KIF22: variants seen among roughly 807,000 people sequenced by gnomAD.
KIF22 encodes the protein kinesin family member 22, also known as kinesin-like protein KIF22.
KIF22 carries 62 observed loss-of-function variants against 73.0 expected under a neutral mutation model. That is an observed-to-expected ratio of 0.85 (90% confidence interval 0.69 to 1.05). The LOEUF is 1.05. Ranked by LOEUF, KIF22 falls within the 50% of genes least tolerant of loss-of-function variation. The pLI, the probability that KIF22 is intolerant of heterozygous loss-of-function variation, is 0.00. For missense variants in KIF22, 854 were observed against 870.1 expected (o/e 0.98, Z 0.23); for synonymous variants, 411 against 340.1 (o/e 1.21, Z -2.29).
intron 11 of KIF22, chr16:29,804,277 C>A: frequency 3.2e-6 from 2 of 615,672 alleles, no homozygotes; most frequent in East Asian, 2.7e-5. Flanking sequence ...ATGTACCTCG[C>A]AGAGCGGATG....
intron 13 of KIF22, 28 bp from the exon 14 acceptor site, chr16:29,805,235 C>T (rs368741129): frequency 1.4e-4 from 233 of 1,613,860 alleles, no homozygotes; most frequent in Non-Finnish European, 4.0e-5. Context: ...TCTCTAACGT[C>T]GCTGTCTCCC....
chr16:29,790,808 G>A lies in KIF22; in HGVS notation c.49G>A (p.Ala17Thr), dbSNP rs1176687209. The change falls in exon 1 of 14, where the codon GCT (alanine) becomes ACT (threonine). Residue 17 changes from alanine to threonine, a missense_variant. Ala to Thr is a moderately conservative substitution (Grantham distance 58). Coordinates refer to ENST00000160827, the MANE Select transcript of KIF22 (RefSeq NM_007317.3). Reference sequence around the variant, plus strand: ...GCAGAGGCGACGCGAGATGGCGGCAGCTTCAGCGGCGGCGATCTCAGGTAC... The same window carrying A: ...GCAGAGGCGACGCGAGATGGCGGCAACTTCAGCGGCGGCGATCTCAGGTAC... ...TQQRRREMAA[A>T]SAAAISGAGR... is the part of the protein sequence containing the mutation. 7 of 1,604,072 alleles carry A rather than the reference G, an allele frequency of 4.4e-6. No individual in the cohort carries two copies. The South Asian group carries it at 7.8e-5, about 18-fold the overall frequency.
At chr16:29,796,458 C>T (rs1898953217) in intron 1 of KIF22, among the ~76,000 whole-genome samples, 1 of 151,504 alleles carries the variant, frequency 6.6e-6, no homozygotes, top group African/African-American at 2.4e-5. Flanking sequence ...CCTATAATTC[C>T]AGCACTTTGG....
chr16:29,802,744 G>A (rs1899184105), intron 8 of KIF22, 25 bp from the exon 9 acceptor site: 1 of 1,531,668 alleles, frequency 6.5e-7, no homozygotes, highest in African/African-American at 1.4e-5. Context: ...GAGGTAGGTG[G>A]GGAGCAACTT....
intron 11 of KIF22, 52 bp from the exon 12 acceptor site, chr16:29,804,762 G>A (rs1360750366): frequency 4.8e-6 from 7 of 1,446,666 alleles, no homozygotes; most frequent in Non-Finnish European, 6.6e-6. Context: ...TGGCAGAGGA[G>A]CCCAAAGCAC....
At chr16:29,796,284 A>AAAC (rs1410758267) in intron 1 of KIF22, among the ~76,000 whole-genome samples, 1,551 of 146,422 alleles carry the variant, frequency 0.011, 30 homozygotes, top group African/African-American at 0.031. Flanking sequence ...AAAAAAAAAA[A>AAAC]ACACACACAC....
At position 29,800,162 on chromosome 16, in the gene KIF22, A is replaced by G. The variant is rs974998968; in HGVS notation, c.1280+114A>G. On this transcript the variant is annotated intron_variant, in intron 8 of 13. Transcript: ENST00000160827. ...CTGTGATCTTGTTCCTCTCCCATTA[A>G]ATTCACCCTAGGCCGGATGCGGTGG... 1.0e-5 allele frequency: 13 copies of G among 1,285,062 alleles called. No homozygotes were observed. In the Admixed American group the frequency reaches 3.2e-4, roughly 32 times the overall value. 79.6% of individuals were successfully genotyped at this position (1,285,062 alleles called of 1,614,324 possible).
At chr16:29,799,595 TCTGA>T (rs1172704466) in intron 6 of KIF22, 29 bp from the exon 7 acceptor site, 1 of 1,613,476 alleles carries the variant, frequency 6.2e-7, no homozygotes, top group East Asian at 2.2e-5. Flanking sequence ...AGGCTGGGCT[TCTGA>T]CCCACCCACT....
chr16:29,794,569 G>A (rs1052623505), intron 1 of KIF22, among the ~76,000 whole-genome samples: 10 of 152,130 alleles, frequency 6.6e-5, no homozygotes, highest in Admixed American at 5.9e-4. Flanking sequence ...CACTTTATCT[G>A]GCACTTATTT....
intron 1 of KIF22, chr16:29,792,480 G>A: frequency 1.2e-6 from 1 of 829,240 alleles, no homozygotes; most frequent in Non-Finnish European, 1.5e-6. Context: ...TACTTCTTGA[G>A]GGCCTACTCT....
chr16:29,793,169 G>A (rs1425011198), intron 1 of KIF22, among the ~76,000 whole-genome samples: 1 of 152,082 alleles, frequency 6.6e-6, no homozygotes, highest in African/African-American at 2.4e-5. Context: ...AGGAGCCGTC[G>A]GCTGGGCTCA....
At position 29,798,916 on chromosome 16, in the gene KIF22, C is replaced by A. The variant is rs1899028069; in HGVS notation, c.550-59C>A. On this transcript the variant is annotated intron_variant, in intron 4 of 13. Transcript: ENST00000160827. This position sits in a 1 kb window ranked among gnomAD's most constrained non-coding sequence, Gnocchi z 4.1. ...AATAGAACAGAGAAAGGAAACTGAT[C>A]CCCAGGAAGAAACAGCCTCTCTATG... 6.4e-7 allele frequency: 1 copy of A among 1,570,360 alleles called. No homozygotes were observed. The highest frequency in any genetic ancestry group is 8.8e-7 in the Non-Finnish European group (1 of 1,141,156).
intron 11 of KIF22, chr16:29,804,496 C>A (rs1183465522): frequency 1.7e-5 from 11 of 651,338 alleles, no homozygotes; most frequent in South Asian, 3.0e-5. Flanking sequence ...ACAGCTTATT[C>A]TTTCCCTTTT....
chr16:29,798,299 C>A lies in KIF22; in HGVS notation c.267-75C>A. On this transcript the variant is annotated intron_variant, in intron 2 of 13. Coordinates refer to ENST00000160827, the MANE Select transcript of KIF22 (RefSeq NM_007317.3). The surrounding 1 kb of genome is among the most constrained non-coding windows in gnomAD (Gnocchi z 4.1). ...AGTAGAATCCCTTACCCACCCCCAC[C>A]CCACTCCACCCCTTACACACACACA... 7.2e-7 allele frequency: 1 copy of A among 1,391,264 alleles called. No homozygotes were observed. Among genetic ancestry groups the A allele is most frequent in the Non-Finnish European group, 9.5e-7 (1 of 1,048,816 alleles). The allele number at this position is 1,391,264 out of a possible 1,614,324, so 86.2% of individuals were successfully genotyped here.
intron 1 of KIF22, chr16:29,791,132 G>A: frequency 3.8e-6 from 5 of 1,332,496 alleles, no homozygotes; most frequent in Non-Finnish European, 4.8e-6. Flanking sequence ...TGAAACGGGG[G>A]TCATGGCCTC....
intron 8 of KIF22, among the ~76,000 whole-genome samples, chr16:29,802,413 G>A (rs933765656): frequency 6.6e-6 from 1 of 151,958 alleles, no homozygotes; most frequent in Non-Finnish European, 1.5e-5. Flanking sequence ...CCCTGCTAAA[G>A]ATGGCATCCT....
chr16:29,792,492 C>A, intron 1 of KIF22: 1 of 737,384 alleles, frequency 1.4e-6, no homozygotes, highest in Non-Finnish European at 1.7e-6. Context: ...GCCTACTCTG[C>A]GCCAGGTGTT....
Position 29,799,642 on chromosome 16 carries a change from C to T in KIF22, c.1005C>T (p.Gly335=). The part of the protein sequence containing the change: ...LTRLLQDSLG[G]SAHSILIANI... ...CTCACCCTCAGGACTCTCTGGGTGG[C>T]TCAGCCCACAGTATCCTTATTGCCA... Residue 335 remains glycine (G), a synonymous_variant, in exon 7 of 14, where the codon GGC becomes GGT. Transcript: ENST00000160827. 1 of 1,614,062 alleles carries T rather than the reference C, an allele frequency of 6.2e-7. No individual in the cohort carries two copies. Among genetic ancestry groups the T allele is most frequent in the Non-Finnish European group, 8.5e-7 (1 of 1,179,992 alleles).
At chr16:29,801,142 A>C (rs1378140851) in intron 8 of KIF22, among the ~76,000 whole-genome samples, 1 of 152,126 alleles carries the variant, frequency 6.6e-6, no homozygotes, top group Non-Finnish European at 1.5e-5. Context: ...CCCTCAATCC[A>C]GATAAAGCCT....
Sources: allele counts gnomAD v4.1 joint callset (sites outside exome capture counted in the v4.1 genomes callset), GRCh38; gene constraint gnomAD v4.1.1; non-coding constraint Gnocchi (gnomAD v3.1); transcripts MANE v1.5; gene names NCBI Gene and HGNC (gene_info 2026-07-23, HGNC 2026-07-21).